Variants in IDO2 observed in about 807,000 individuals in gnomAD.
IDO2 encodes the protein indoleamine 2,3-dioxygenase-like 1 protein.
In IDO2, 46 loss-of-function variants were observed where a neutral mutation model predicts 45.1. The ratio of observed to expected loss-of-function variants is 1.02; its 90% CI spans 0.80 to 1.30. IDO2 has a LOEUF of 1.30. IDO2 is among the 50% of genes most tolerant of loss of function. IDO2 has a pLI of 0.00. For synonymous variants in IDO2, 218 were observed against 184.9 expected (o/e 1.18, Z -1.45); for missense variants, 544 against 491.8 (o/e 1.11, Z -1.00).
At chr8:40,008,297 C>T (rs925185042) in intron 9 of IDO2, among the ~76,000 whole-genome samples, 1 of 152,208 alleles carries the variant, frequency 6.6e-6, no homozygotes, top group Non-Finnish European at 1.5e-5. Flanking sequence ...CCTCCCACTT[C>T]AGCCTCCCAA....
At chr8:40,012,936 G>A (rs1802329069) in intron 9 of IDO2, among the ~76,000 whole-genome samples, 1 of 152,156 alleles carries the variant, frequency 6.6e-6, no homozygotes, top group Non-Finnish European at 1.5e-5. Context: ...GGTCAACAAA[G>A]TATTTGATAA....
intron 5 of IDO2, chr8:39,985,095 C>T (rs916035328): frequency 8.5e-5 from 26 of 305,286 alleles, no homozygotes; most frequent in Non-Finnish European, 1.3e-5. Flanking sequence ...CCACACCCGA[C>T]TAATTTTTGT....
At chr8:40,005,128 A>T (rs1802200934) in intron 8 of IDO2, among the ~76,000 whole-genome samples, 199 bp from the exon 9 acceptor site, 1 of 152,234 alleles carries the variant, frequency 6.6e-6, no homozygotes, top group Non-Finnish European at 1.5e-5. Flanking sequence ...AACATATGGA[A>T]TAGTTTAGAA....
At chr8:40,008,648 T>C (rs902243302) in intron 9 of IDO2, among the ~76,000 whole-genome samples, 9 of 152,236 alleles carry the variant, frequency 5.9e-5, no homozygotes, top group African/African-American at 1.7e-4. Flanking sequence ...CACAGTATCC[T>C]TCAAGGGATA....
At chr8:40,014,664 A>T (rs1802359593) in intron 10 of IDO2, among the ~76,000 whole-genome samples, 1 of 152,192 alleles carries the variant, frequency 6.6e-6, no homozygotes, top group African/African-American at 2.4e-5. Flanking sequence ...TTGTGTAGTA[A>T]ATATTTATAT....
At chr8:39,952,555 A>G (rs1460234825) in intron 2 of IDO2, among the ~76,000 whole-genome samples, 3 of 152,186 alleles carry the variant, frequency 2.0e-5, no homozygotes, top group Admixed American at 1.3e-4. Context: ...TCCAAGCTCC[A>G]ACATTTATTG....
At chr8:39,938,590 A>G (rs1388108439) in intron 1 of IDO2, among the ~76,000 whole-genome samples, 1 of 152,162 alleles carries the variant, frequency 6.6e-6, no homozygotes, top group Non-Finnish European at 1.5e-5. Context: ...GACAAGCTCT[A>G]TATCACATAT....
chr8:39,979,250 T>A (rs956505192), intron 4 of IDO2, 64 bp downstream of exon 4: 7 of 1,544,844 alleles, frequency 4.5e-6, no homozygotes, highest in Non-Finnish European at 6.1e-6. Context: ...AGTAACGTGC[T>A]CCCTGCTTGG....
At chr8:39,993,033 G>A (rs1034377950) in intron 8 of IDO2, among the ~76,000 whole-genome samples, 1 of 152,078 alleles carries the variant, frequency 6.6e-6, no homozygotes, top group Non-Finnish European at 1.5e-5. Flanking sequence ...TAAGGCAGAA[G>A]TCCACACGGT....
chr8:39,954,698 C>A (rs2543083), intron 2 of IDO2, among the ~76,000 whole-genome samples: 26,070 of 143,970 alleles, frequency 0.18, 2,451 homozygotes, highest in East Asian at 0.26. Context: ...CTCTGTCACC[C>A]AGGCTGGAGT....
chr8:39,942,878 G>T (rs1807666299), intron 1 of IDO2, among the ~76,000 whole-genome samples: 2 of 152,128 alleles, frequency 1.3e-5, no homozygotes, highest in African/African-American at 4.8e-5. Flanking sequence ...TTGAGAAGGT[G>T]CAGAGGGAAT....
chr8:39,970,570 T>A (rs917076771), intron 3 of IDO2, among the ~76,000 whole-genome samples: 1 of 152,076 alleles, frequency 6.6e-6, no homozygotes, highest in Non-Finnish European at 1.5e-5. Context: ...TTTTGTATCT[T>A]TGGTAGAGAC....
intron 10 of IDO2, among the ~76,000 whole-genome samples, chr8:40,014,843 A>G (rs7008343): frequency 0.38 from 57,979 of 152,050 alleles, 11,476 homozygotes; most frequent in Admixed American, 0.51. Context: ...TTTCTGGTGC[A>G]TTCTTGTCTG....
At chr8:39,952,975 T>G (rs1585398201) in intron 2 of IDO2, among the ~76,000 whole-genome samples, 1 of 146,190 alleles carries the variant, frequency 6.8e-6, no homozygotes, top group Non-Finnish European at 1.5e-5. Flanking sequence ...TCCATGTTGG[T>G]CAGGCTGGTC....
At chr8:40,014,697 A>G (rs1802359908) in intron 10 of IDO2, among the ~76,000 whole-genome samples, 1 of 152,232 alleles carries the variant, frequency 6.6e-6, no homozygotes, top group South Asian at 2.1e-4. Context: ...ATCTAGTTCC[A>G]ACTCTGTCAT....
chr8:39,947,970 A>G (rs1397655391), intron 1 of IDO2, among the ~76,000 whole-genome samples: 1 of 152,110 alleles, frequency 6.6e-6, no homozygotes, highest in African/African-American at 2.4e-5. Context: ...TATTTTTAGT[A>G]GAGATGGGGT....
At chr8:39,959,201 A>G (rs746656300) in intron 2 of IDO2, among the ~76,000 whole-genome samples, 60 of 149,992 alleles carry the variant, frequency 4.0e-4, no homozygotes, top group Non-Finnish European at 7.4e-4. Flanking sequence ...TCTGCCTCCC[A>G]GGTTCAGGCC....
At chr8:40,015,646 A>C (rs527368826) in exon 11 of IDO2, 1 of 1,430,830 alleles carries the variant, frequency 7.0e-7, no homozygotes, top group African/African-American at 1.4e-5. Context: ...CATGGAGGGC[A>C]GGTGGGCCTG....
chr8:40,008,739 G>A (rs1268423225), intron 9 of IDO2, among the ~76,000 whole-genome samples: 1 of 152,182 alleles, frequency 6.6e-6, no homozygotes, highest in Non-Finnish European at 1.5e-5. Flanking sequence ...GATTAGATGT[G>A]TACTAGAAGG....
Sources: gnomAD v4.1 joint callset for allele counts (sites outside exome capture counted in the v4.1 genomes callset) on GRCh38, gnomAD v4.1.1 for gene constraint, MANE v1.5 for transcripts, NCBI Gene and HGNC (gene_info 2026-07-23, HGNC 2026-07-21) for gene names.